The following HCN1 variants were observed in gnomAD, a reference collection of about 807,000 sequenced individuals.
HCN1 encodes the protein hyperpolarization activated cyclic nucleotide gated potassium channel 1.
Under a neutral mutation model 78.9 loss-of-function variants are expected in HCN1, and 13 were observed. That is an observed-to-expected ratio of 0.16 (90% CI 0.11 to 0.26). HCN1 has a LOEUF of 0.26. HCN1 is among the 10% of genes least tolerant of loss of function. The pLI is 1.00. For synonymous variants in HCN1, 552 were observed against 455.5 expected, an observed-to-expected ratio of 1.21 and a Z score of -2.70; for missense variants, 810 against 1,154.3, an observed-to-expected ratio of 0.70 and a Z score of 4.32.
intron 4 of HCN1, among the ~76,000 whole-genome samples, chr5:45,366,318 GT>G (rs1747236377): frequency 6.6e-6 from 1 of 151,688 alleles, no homozygotes; most frequent in Non-Finnish European, 1.5e-5. Context: ...GCAATAAACA[GT>G]TAAGTGATTT....
chr5:45,481,323 G>A (rs1191367280), intron 2 of HCN1, among the ~76,000 whole-genome samples: 1 of 152,152 alleles, frequency 6.6e-6, no homozygotes, highest in Non-Finnish European at 1.5e-5. Context: ...AAAGAACCTG[G>A]ATCTCACTGA....
chr5:45,407,781 A>G (rs1739953907), intron 3 of HCN1, among the ~76,000 whole-genome samples: 1 of 152,248 alleles, frequency 6.6e-6, no homozygotes, highest in Admixed American at 6.5e-5. Flanking sequence ...AAGTGCTGAG[A>G]TTACAAGCGT....
At chr5:45,294,200 C>T (rs1465607962) in intron 6 of HCN1, among the ~76,000 whole-genome samples, 6 of 151,934 alleles carry the variant, frequency 3.9e-5, no homozygotes, top group Non-Finnish European at 2.9e-5. Context: ...TTAGAGTTAA[C>T]GAATAGTCAC....
chr5:45,469,084 C>A (rs968234391), intron 2 of HCN1, among the ~76,000 whole-genome samples: 25 of 151,934 alleles, frequency 1.6e-4, no homozygotes, highest in African/African-American at 5.8e-4. Context: ...ATTATAGAGT[C>A]ATATTTAAAA....
chr5:45,639,277 T>C (rs1745411679), intron 2 of HCN1, among the ~76,000 whole-genome samples: 1 of 152,178 alleles, frequency 6.6e-6, no homozygotes, highest in African/African-American at 2.4e-5. Context: ...AGAATCAATA[T>C]TTGCTTGCAG....
chr5:45,375,187 T>G (rs1292112512), intron 4 of HCN1, among the ~76,000 whole-genome samples: 1 of 119,094 alleles, frequency 8.4e-6, no homozygotes, highest in Non-Finnish European at 1.6e-5. Flanking sequence ...TATAATGTAT[T>G]ATATATAATA....
chr5:45,295,542 T>A (rs1434888561), intron 6 of HCN1, among the ~76,000 whole-genome samples: 1 of 152,002 alleles, frequency 6.6e-6, no homozygotes, highest in Non-Finnish European at 1.5e-5. Flanking sequence ...ATATCTGAAG[T>A]TAAAAAATTA....
At chr5:45,310,971 C>T (rs770275383) in intron 5 of HCN1, among the ~76,000 whole-genome samples, 2 of 152,062 alleles carry the variant, frequency 1.3e-5, no homozygotes, top group Non-Finnish European at 1.5e-5. Flanking sequence ...GATGAGAACA[C>T]ATGGACATAC....
chr5:45,441,582 A>C (rs1740682085), intron 3 of HCN1, among the ~76,000 whole-genome samples: 1 of 152,242 alleles, frequency 6.6e-6, no homozygotes, highest in African/African-American at 2.4e-5. Flanking sequence ...GACACCATAT[A>C]CTTAAAACTG....
At chr5:45,583,247 G>A (rs1744125706) in intron 2 of HCN1, among the ~76,000 whole-genome samples, 2 of 152,160 alleles carry the variant, frequency 1.3e-5, no homozygotes, top group African/African-American at 2.4e-5. Context: ...TACTGGTTTA[G>A]TCTTGGGAGG....
chr5:45,496,997 A>G (rs1286637209), intron 2 of HCN1, among the ~76,000 whole-genome samples: 1 of 152,038 alleles, frequency 6.6e-6, no homozygotes, highest in Non-Finnish European at 1.5e-5. Flanking sequence ...TTCAGTTTCC[A>G]TGTAGTTGAG....
At chr5:45,522,471 G>A (rs938539311) in intron 2 of HCN1, among the ~76,000 whole-genome samples, 2 of 151,858 alleles carry the variant, frequency 1.3e-5, no homozygotes, top group Non-Finnish European at 2.9e-5. Context: ...ACATTCATCA[G>A]TACTATACCC....
intron 4 of HCN1, among the ~76,000 whole-genome samples, chr5:45,370,827 T>C (rs566225752): frequency 6.6e-6 from 1 of 152,128 alleles, no homozygotes; most frequent in Non-Finnish European, 1.5e-5. Flanking sequence ...ATATTTTTTA[T>C]GTGCACACAC....
Position 45,495,560 on chromosome 5 carries a change from A to C in HCN1, c.850-33553T>G, listed in dbSNP as rs552886082. ...GTCGTCTGCAAAGAGGGACAATTTG[A>C]CTTCCTCTTTTCCTAATTGAATACA... is the stretch of plus-strand genomic sequence containing the variant. On this transcript the variant is annotated intron_variant, in intron 2 of 7. Coordinates refer to ENST00000303230, the MANE Select transcript of HCN1 (RefSeq NM_021072.4). 1.6e-3 allele frequency among the ~76,000 whole-genome samples: 249 copies of C among 152,268 alleles called. 1 individual carries two copies. Among genetic ancestry groups the C allele is most frequent in the South Asian group, 6.0e-3 (29 of 4,822 alleles).
At chr5:45,404,725 A>C (rs1739887571) in intron 3 of HCN1, among the ~76,000 whole-genome samples, 1 of 149,890 alleles carries the variant, frequency 6.7e-6, no homozygotes, top group African/African-American at 2.4e-5. Flanking sequence ...AAAAAAAGGA[A>C]AAAGAAAGAA....
At chr5:45,446,860 C>A (rs1207866992) in intron 3 of HCN1, among the ~76,000 whole-genome samples, 2 of 151,864 alleles carry the variant, frequency 1.3e-5, no homozygotes, top group African/African-American at 4.8e-5. Context: ...CACCACCAGG[C>A]CTGCCCTAAA....
At chr5:45,390,876 A>T (rs1739541455) in intron 4 of HCN1, among the ~76,000 whole-genome samples, 1 of 152,176 alleles carries the variant, frequency 6.6e-6, no homozygotes. Flanking sequence ...TTGTTGTACC[A>T]GGAGCCTGAT....
At chr5:45,314,695 C>T (rs929743033) in intron 5 of HCN1, among the ~76,000 whole-genome samples, 2 of 151,814 alleles carry the variant, frequency 1.3e-5, no homozygotes, top group Non-Finnish European at 2.9e-5. Flanking sequence ...GACACACAGG[C>T]TCAAAATAAA....
intron 5 of HCN1, among the ~76,000 whole-genome samples, chr5:45,346,344 A>C (rs1484964230): frequency 6.6e-6 from 1 of 152,196 alleles, no homozygotes; most frequent in Non-Finnish European, 1.5e-5. Flanking sequence ...AAGAAAGGAG[A>C]GGGCAAAGAA....
Sources: allele counts gnomAD v4.1 joint callset (sites outside exome capture counted in the v4.1 genomes callset), GRCh38; gene constraint gnomAD v4.1.1; transcripts MANE v1.5; gene names NCBI Gene and HGNC (gene_info 2026-07-23, HGNC 2026-07-21).